ENOX1: variants seen among roughly 807,000 people sequenced by gnomAD.
The protein encoded by ENOX1 is ecto-NOX disulfide-thiol exchanger 1.
ENOX1 carries 42 observed loss-of-function variants against 82.5 expected under a neutral mutation model. The observed-to-expected ratio is 0.51, with a 90% CI of 0.40 to 0.66. ENOX1 has a LOEUF of 0.66. Ranked by LOEUF, ENOX1 falls within the 30% of genes least tolerant of loss-of-function variation. The pLI, the probability that ENOX1 is intolerant of heterozygous loss-of-function variation, is 0.00. For missense variants in ENOX1, 608 were observed against 811.6 expected (o/e 0.75, Z 3.05); for synonymous variants, 271 against 282.2 (o/e 0.96, Z 0.40).
intron 2 of ENOX1, among the ~76,000 whole-genome samples, chr13:43,613,452 A>G (rs2082281561): frequency 6.6e-6 from 1 of 152,196 alleles, no homozygotes; most frequent in Admixed American, 6.5e-5. Context: ...TATGTAAATT[A>G]TATCCCAATA....
chr13:43,254,187 C>T (rs2043618592), intron 14 of ENOX1, among the ~76,000 whole-genome samples: 1 of 152,156 alleles, frequency 6.6e-6, no homozygotes, highest in Admixed American at 6.5e-5. Flanking sequence ...GGCCATTAAC[C>T]TTGGTCTGGG....
chr13:43,658,337 T>C (rs532532826), intron 2 of ENOX1, among the ~76,000 whole-genome samples: 1 of 152,316 alleles, frequency 6.6e-6, no homozygotes, highest in Non-Finnish European at 1.5e-5. Flanking sequence ...TACTACTTCT[T>C]AGTTTTTTGA....
chr13:43,224,737 G>A (rs193204539), intron 15 of ENOX1, among the ~76,000 whole-genome samples: 16 of 152,296 alleles, frequency 1.1e-4, no homozygotes, highest in African/African-American at 3.8e-4. Flanking sequence ...TAATTTACAA[G>A]ATCATTTTAA....
intron 1 of ENOX1, among the ~76,000 whole-genome samples, chr13:43,737,146 C>T (rs1042098550): frequency 2.0e-5 from 3 of 152,164 alleles, no homozygotes; most frequent in Non-Finnish European, 4.4e-5. Flanking sequence ...CAAGTATAAC[C>T]TCTAAAAAAC....
chr13:43,300,051 A>G (rs541909187), intron 11 of ENOX1, among the ~76,000 whole-genome samples: 65 of 152,346 alleles, frequency 4.3e-4, no homozygotes, highest in Non-Finnish European at 9.0e-4. Flanking sequence ...ACAGTACTCC[A>G]TCTTGCAAAA....
intron 2 of ENOX1, among the ~76,000 whole-genome samples, chr13:43,583,399 G>A (rs2080838270): frequency 6.6e-6 from 1 of 152,100 alleles, no homozygotes; most frequent in African/African-American, 2.4e-5. Context: ...TACTCATTAT[G>A]GCATTCAAAG....
At chr13:43,601,800 A>G (rs1479686502) in intron 2 of ENOX1, among the ~76,000 whole-genome samples, 1 of 152,228 alleles carries the variant, frequency 6.6e-6, no homozygotes, top group East Asian at 1.9e-4. Flanking sequence ...TTCTAAAAGC[A>G]TCAAGAGGAA....
intron 12 of ENOX1, among the ~76,000 whole-genome samples, chr13:43,289,725 G>A (rs534434154): frequency 6.6e-6 from 1 of 152,218 alleles, no homozygotes; most frequent in South Asian, 2.1e-4. Flanking sequence ...ATAGACAAGT[G>A]GGACCTAATT....
chr13:43,335,066 T>C (rs1426760256), intron 9 of ENOX1, among the ~76,000 whole-genome samples: 1 of 152,180 alleles, frequency 6.6e-6, no homozygotes, highest in Admixed American at 6.5e-5. Flanking sequence ...CCATCCTGAA[T>C]CTCCTTTCTG....
intron 5 of ENOX1, among the ~76,000 whole-genome samples, chr13:43,364,858 CAG>C (rs1179288020): frequency 2.0e-5 from 3 of 152,150 alleles, no homozygotes; most frequent in Non-Finnish European, 1.5e-5. Context: ...TCAGAGGACA[CAG>C]AGAGAGTCCA....
At chr13:43,318,562 C>T (rs1435196842) in intron 11 of ENOX1, among the ~76,000 whole-genome samples, 1 of 152,234 alleles carries the variant, frequency 6.6e-6, no homozygotes, top group African/African-American at 2.4e-5. Flanking sequence ...GAACATGCCT[C>T]TTTAATACTT....
chr13:43,600,264 C>T (rs1004334893), intron 2 of ENOX1, among the ~76,000 whole-genome samples: 16 of 152,140 alleles, frequency 1.1e-4, no homozygotes, highest in African/African-American at 1.4e-4. Context: ...GACTCTTGCA[C>T]GGCATTTCTG....
In ENOX1 at chr13:43,743,851, T is replaced by C. The variant is rs1474755814; in HGVS notation, c.-285+42801A>G. Among the ~76,000 whole-genome samples, 3 of 152,134 alleles carry C rather than the reference T, an allele frequency of 2.0e-5. No homozygotes were observed. The East Asian group carries it at 5.8e-4, about 29-fold the overall frequency. ...GTTCTGGAGGCTAGGAAGTCTAAGA[T>C]TGAGGGGCCAACATCTGGTCAGGGA... On this transcript the variant is annotated intron_variant, in intron 1 of 16. Coordinates refer to ENST00000690772, the MANE Select transcript of ENOX1 (RefSeq NM_001347969.2).
At chr13:43,758,941 T>C (rs1200571027) in intron 1 of ENOX1, among the ~76,000 whole-genome samples, 1 of 152,184 alleles carries the variant, frequency 6.6e-6, no homozygotes, top group African/African-American at 2.4e-5. Context: ...TTGGCAGGGA[T>C]GGCAGCAAGG....
At chr13:43,281,094 A>G (rs1350039370) in intron 12 of ENOX1, among the ~76,000 whole-genome samples, 1 of 152,204 alleles carries the variant, frequency 6.6e-6, no homozygotes, top group Non-Finnish European at 1.5e-5. Context: ...TGCATTAGAC[A>G]GGAACAGTTT....
At chr13:43,458,377 A>G (rs1379265901) in intron 3 of ENOX1, 1 of 152,216 alleles carries the variant, frequency 6.6e-6, no homozygotes, top group Admixed American at 6.5e-5. Flanking sequence ...TCAAGTCAGA[A>G]TATGAGATGA....
At chr13:43,300,197 G>A (rs749403766) in intron 11 of ENOX1, among the ~76,000 whole-genome samples, 3 of 152,108 alleles carry the variant, frequency 2.0e-5, no homozygotes, top group South Asian at 2.1e-4. Context: ...GCTCAGGTCC[G>A]TGAGGGCATC....
rs1163660597 is a variant in ENOX1 at position 43,445,331 on chromosome 13, GC to G, written c.-74-32344del. Among the ~76,000 whole-genome samples, 41 of 152,154 alleles carry G rather than the reference GC, an allele frequency of 2.7e-4. No homozygotes were observed. The East Asian group carries it at 2.9e-3, about 11-fold the overall frequency. The stretch of plus-strand genomic sequence containing the variant: ...GTAGAGATGGGGTTTCACCGTGTTA[GC>G]CAGGATGGTCTTGATCTCCTGACCT... On this transcript the variant is annotated intron_variant, in intron 3 of 16. Coordinates refer to ENST00000690772, the MANE Select transcript of ENOX1 (RefSeq NM_001347969.2).
intron 9 of ENOX1, among the ~76,000 whole-genome samples, chr13:43,343,852 T>C (rs1238995267): frequency 6.6e-6 from 1 of 152,020 alleles, no homozygotes; most frequent in Non-Finnish European, 1.5e-5. Context: ...ACAGATAGAG[T>C]GCCCATAAAA....
Sources: allele counts gnomAD v4.1 joint callset (sites outside exome capture counted in the v4.1 genomes callset), GRCh38; gene constraint gnomAD v4.1.1; transcripts MANE v1.5; gene names NCBI Gene and HGNC (gene_info 2026-07-23, HGNC 2026-07-21).